The following MLLT10 variants were observed in gnomAD, a reference collection of about 807,000 sequenced individuals.
MLLT10 encodes protein AF-10.
Under a neutral mutation model 129.1 loss-of-function variants are expected in MLLT10, and 30 were observed. The ratio of observed to expected loss-of-function variants is 0.23; its 90% CI spans 0.17 to 0.32. The LOEUF (loss-of-function observed/expected upper bound fraction) is 0.32. Among genes scored for constraint, MLLT10 ranks in the 10% least tolerant of loss-of-function variants. MLLT10 has a pLI of 1.00. For synonymous variants in MLLT10, 490 were observed against 446.4 expected (o/e 1.10, Z -1.23); for missense variants, 1,119 against 1,268.3 (o/e 0.88, Z 1.79).
intron 9 of MLLT10, chr10:21,661,597 A>G (rs1403090398): frequency 6.6e-6 from 1 of 152,190 alleles, no homozygotes; most frequent in South Asian, 2.1e-4. Context: ...TAGCATTAGC[A>G]CAGTATACCT....
intron 13 of MLLT10, among the ~76,000 whole-genome samples, chr10:21,701,753 A>AT (rs1475140072): frequency 6.6e-6 from 1 of 151,100 alleles, no homozygotes; most frequent in African/African-American, 2.4e-5. Context: ...CGCCTGGTTA[A>AT]TTTTTTTTAT....
chr10:21,614,975 T>A (rs376282970), intron 7 of MLLT10, 51 bp downstream of exon 7: 1 of 1,408,970 alleles, frequency 7.1e-7, no homozygotes, highest in East Asian at 2.3e-5. Flanking sequence ...GTTTTGACAA[T>A]AGAATGACAC....
intron 3 of MLLT10, among the ~76,000 whole-genome samples, chr10:21,555,116 C>A (rs534013546): frequency 3.1e-4 from 47 of 149,268 alleles, no homozygotes; most frequent in African/African-American, 1.2e-3. Context: ...CCACTGTGCC[C>A]GGCCATACTT....
Position 21,614,823 on chromosome 10 carries a change from A to T in MLLT10, c.510-8A>T. 1 of 1,608,308 alleles carries T rather than the reference A, an allele frequency of 6.2e-7. No individual in the cohort carries two copies. The highest frequency in any genetic ancestry group is 1.1e-5 in the South Asian group (1 of 89,616). On this transcript the variant is annotated splice_polypyrimidine_tract_variant and splice_region_variant and intron_variant, in intron 6 of 22. Coordinates refer to ENST00000307729, the MANE Select transcript of MLLT10 (RefSeq NM_001195626.3). ...ATATCAATAAATATACTTGGCTTTT[A>T]TTTTCAGCGCTCAGTTTGCCGGACT...
intron 16 of MLLT10, among the ~76,000 whole-genome samples, chr10:21,728,598 G>A (rs894300372): frequency 2.6e-5 from 4 of 152,060 alleles, no homozygotes; most frequent in South Asian, 2.1e-4. Flanking sequence ...CCTTCTGTGC[G>A]TTCTCTTTGT....
At chr10:21,688,377 C>A in intron 13 of MLLT10, 1 of 800,328 alleles carries the variant, frequency 1.2e-6, no homozygotes. Flanking sequence ...CCCTGATGAT[C>A]CACCCCCACA....
At chr10:21,727,621 A>G (rs1391876479) in intron 15 of MLLT10, among the ~76,000 whole-genome samples, 1 of 152,202 alleles carries the variant, frequency 6.6e-6, no homozygotes, top group Non-Finnish European at 1.5e-5. Context: ...AAGGAATGAA[A>G]GAACAGAACA....
chr10:21,623,228 C>T (rs932444069), intron 8 of MLLT10, among the ~76,000 whole-genome samples: 1 of 152,186 alleles, frequency 6.6e-6, no homozygotes, highest in African/African-American at 2.4e-5. Context: ...AATTCAACCT[C>T]CAGCCCTTCA....
chr10:21,620,533 T>C (rs1554821080), intron 8 of MLLT10, among the ~76,000 whole-genome samples: 1 of 152,200 alleles, frequency 6.6e-6, no homozygotes, highest in Non-Finnish European at 1.5e-5. Flanking sequence ...ATGGGGTTAT[T>C]GTAAGGTGAG....
At chr10:21,556,119 G>T (rs1278140939) in intron 3 of MLLT10, among the ~76,000 whole-genome samples, 1 of 151,972 alleles carries the variant, frequency 6.6e-6, no homozygotes, top group East Asian at 1.9e-4. Flanking sequence ...GGGACTACAG[G>T]CATGCGCCAC....
chr10:21,538,625 G>A (rs551311900), intron 2 of MLLT10, among the ~76,000 whole-genome samples: 36 of 152,186 alleles, frequency 2.4e-4, no homozygotes, highest in African/African-American at 7.2e-4. Flanking sequence ...TTTAGATGAG[G>A]TAACACAAAA....
chr10:21,609,085 C>T (rs146328688), intron 5 of MLLT10, among the ~76,000 whole-genome samples: 2 of 152,242 alleles, frequency 1.3e-5, no homozygotes, highest in East Asian at 3.9e-4. Context: ...AGTATACAAC[C>T]TCAGATGGCC....
chr10:21,697,559 C>T (rs2054499725), intron 13 of MLLT10, among the ~76,000 whole-genome samples: 2 of 152,110 alleles, frequency 1.3e-5, no homozygotes, highest in Non-Finnish European at 2.9e-5. Flanking sequence ...TTGTATAGAT[C>T]ATGTCAAAAG....
In MLLT10 at chr10:21,673,926, G is replaced by T. The variant is rs777660842; in HGVS notation, c.1621+7G>T. 6.4e-7 allele frequency: 1 copy of T among 1,553,692 alleles called. No individual in the cohort carries two copies. The highest frequency in any genetic ancestry group is 1.4e-5 in the African/African-American group (1 of 72,422). ...TCATCTCCAGTTGGTTCAGGTAGGG[G>T]TTTGCCTATTATTATTTTTCTCCTT... On this transcript the variant is annotated splice_region_variant and intron_variant, in intron 11 of 22. Coordinates refer to ENST00000307729, the MANE Select transcript of MLLT10 (RefSeq NM_001195626.3).
intron 9 of MLLT10, among the ~76,000 whole-genome samples, chr10:21,653,360 T>C (rs993908531): frequency 1.4e-4 from 22 of 152,228 alleles, no homozygotes; most frequent in Non-Finnish European, 1.5e-5. Context: ...TGCCCACTTC[T>C]TTGCTGCCTG....
chr10:21,593,175 A>G (rs1323397015), intron 4 of MLLT10, among the ~76,000 whole-genome samples: 1 of 151,636 alleles, frequency 6.6e-6, no homozygotes, highest in Non-Finnish European at 1.5e-5. Context: ...GTTCACAGCA[A>G]CCTTCAACTC....
chr10:21,673,454 A>G lies in MLLT10; in HGVS notation c.1156A>G (p.Ser386Gly). ...TACAGACTCAGATCTGCGTAATGACAGTTACTCTCACTCCCAACAGTCATC... is the reference window on the plus strand; with the variant it reads ...TACAGACTCAGATCTGCGTAATGACGGTTACTCTCACTCCCAACAGTCATC... ...SFTDSDLRND[S>G]YSHSQQSSAT... Residue 386 changes from serine (S) to glycine (G), a missense_variant, in exon 11 of 23, where the codon AGT (serine) becomes GGT (glycine). By Grantham distance (56) the Ser-to-Gly change is moderately conservative (BLOSUM62 0). Coordinates refer to ENST00000307729, the MANE Select transcript of MLLT10 (RefSeq NM_001195626.3). 3 of 1,613,632 alleles carry G rather than the reference A, an allele frequency of 1.9e-6. No homozygotes were observed. Among genetic ancestry groups the G allele is most frequent in the African/African-American group, 1.3e-5 (1 of 74,884 alleles).
At chr10:21,709,498 T>C (rs1347727848) in intron 13 of MLLT10, among the ~76,000 whole-genome samples, 1 of 152,230 alleles carries the variant, frequency 6.6e-6, no homozygotes, top group Non-Finnish European at 1.5e-5. Context: ...TCCGAAGTGC[T>C]GGGATTACAG....
At chr10:21,562,818 G>GTTTTTT (rs1163404490) in intron 3 of MLLT10, among the ~76,000 whole-genome samples, 70 of 82,580 alleles carry the variant, frequency 8.5e-4, no homozygotes, top group African/African-American at 1.8e-3. Context: ...TGTTTTTTTT[G>GTTTTTT]TTTTTTTTTT....
Sources: allele counts gnomAD v4.1 joint callset (sites outside exome capture counted in the v4.1 genomes callset), GRCh38; gene constraint gnomAD v4.1.1; transcripts MANE v1.5; gene names NCBI Gene and HGNC (gene_info 2026-07-23, HGNC 2026-07-21).